The following NSL1 variants were observed in gnomAD, a reference collection of about 807,000 sequenced individuals.
NSL1 encodes the protein NSL1 component of MIS12 kinetochore complex, also known as kinetochore-associated protein NSL1 homolog.
Under a neutral mutation model 25.4 loss-of-function variants are expected in NSL1, and 11 were observed. The ratio of observed to expected loss-of-function variants is 0.43; its 90% CI spans 0.27 to 0.72. The LOEUF is 0.72. Among genes scored for constraint, NSL1 ranks in the 30% least tolerant of loss-of-function variants. The pLI is 0.19. For synonymous variants in NSL1, 118 were observed against 120.6 expected (o/e 0.98, Z 0.14); for missense variants, 330 against 342.7 (o/e 0.96, Z 0.29).
chr1:212,781,065 A>G (rs1660711966), intron 4 of NSL1, among the ~76,000 whole-genome samples: 1 of 152,230 alleles, frequency 6.6e-6, no homozygotes, highest in South Asian at 2.1e-4. Context: ...TAAGGAACTG[A>G]TGCTATTCTA....
At chr1:212,789,391 T>C (rs954051331) in intron 1 of NSL1, among the ~76,000 whole-genome samples, 1 of 152,170 alleles carries the variant, frequency 6.6e-6, no homozygotes, top group African/African-American at 2.4e-5. Flanking sequence ...TTTGTATTTT[T>C]AGTATAGACA....
At chr1:212,749,332 TTATTG>T (rs1382834433) in intron 4 of NSL1, among the ~76,000 whole-genome samples, 1 of 145,186 alleles carries the variant, frequency 6.9e-6, no homozygotes, top group African/African-American at 2.5e-5. Context: ...ATTTTGCGTT[TTATTG>T]TGTTTTTTTT....
At position 212,731,604 on chromosome 1, in the gene NSL1, T is replaced by C. The variant is rs1396180904; in HGVS notation, c.*6804A>G. ...CAAAAATTATCAGTCCCTGGCCCAG[T>C]TCCCCCACCTAAGTTCATCCACAGA... is the stretch of plus-strand genomic sequence containing the variant. On this transcript the variant is annotated 3_prime_UTR_variant, in exon 6 of 6. Transcript: ENST00000366977. The C allele has an allele frequency of 3.0e-6, 3 of 985,274 alleles. No homozygotes were observed. Among genetic ancestry groups the C allele is most frequent in the South Asian group, 4.7e-5 (1 of 21,294 alleles). 61.0% of individuals were successfully genotyped at this position (985,274 alleles called of 1,614,324 possible).
intron 4 of NSL1, among the ~76,000 whole-genome samples, chr1:212,762,306 CAAAA>C (rs71147025): frequency 6.1e-5 from 7 of 114,634 alleles, no homozygotes; most frequent in African/African-American, 1.7e-4. Flanking sequence ...TTAAAAGAAA[CAAAA>C]AAAAAAAAAA....
intron 4 of NSL1, among the ~76,000 whole-genome samples, chr1:212,777,886 G>T (rs1282464569): frequency 1.3e-5 from 2 of 152,270 alleles, no homozygotes; most frequent in Admixed American, 6.5e-5. Flanking sequence ...ATATTTCGAA[G>T]AATAAAATAA....
intron 4 of NSL1, among the ~76,000 whole-genome samples, chr1:212,755,233 T>C (rs1001681740): frequency 9.2e-5 from 14 of 151,612 alleles, no homozygotes; most frequent in Non-Finnish European, 1.5e-4. Flanking sequence ...TCATAAGACA[T>C]TGCAAAAGAA....
rs1657839107 is a variant in NSL1, at chr1:212,727,564, T to C, written c.*10844A>G. On this transcript the variant is annotated 3_prime_UTR_variant, in exon 6 of 6. Coordinates refer to ENST00000366977, the MANE Select transcript of NSL1 (RefSeq NM_015471.4). ...AATGAATTAGACGTGTGCCACATAC[T>C]TCTCTCAAAAACTTTATGACTCAGT... 5.1e-6 allele frequency: 5 copies of C among 985,298 alleles called. No homozygotes were observed. Among genetic ancestry groups the C allele is most frequent in the African/African-American group, 1.7e-5 (1 of 57,246 alleles). 61.0% of individuals were successfully genotyped at this position (985,298 alleles called of 1,614,324 possible).
chr1:212,783,148 G>C (rs946187096), intron 3 of NSL1, among the ~76,000 whole-genome samples: 1 of 146,728 alleles, frequency 6.8e-6, no homozygotes, highest in African/African-American at 2.7e-5. Flanking sequence ...GAGGAAAGAC[G>C]CAGGGCAGGG....
Position 212,737,033 on chromosome 1 carries a change from AT to A in NSL1, c.*1374del. On this transcript the variant is annotated 3_prime_UTR_variant, in exon 6 of 6. Coordinates refer to ENST00000366977, the MANE Select transcript of NSL1 (RefSeq NM_015471.4). ...ATTAGCACTGTAAAAACAGCAACAT[AT>A]TATACAGCCTCAAAACAGTTTTAAA... 1 of 985,344 alleles carries A rather than the reference AT, an allele frequency of 1.0e-6. No individual in the cohort carries two copies. Among genetic ancestry groups the A allele is most frequent in the Non-Finnish European group, 1.2e-6 (1 of 829,814 alleles). 61.0% of individuals were successfully genotyped at this position (985,344 alleles called of 1,614,324 possible).
intron 4 of NSL1, among the ~76,000 whole-genome samples, chr1:212,752,642 A>T (rs908211698): frequency 1.3e-5 from 2 of 152,202 alleles, no homozygotes; most frequent in African/African-American, 2.4e-5. Flanking sequence ...ACCACATCTT[A>T]TTGGTGGACA....
rs967154159 is a variant in NSL1 at position 212,760,556 on chromosome 1, C to A, written c.500-20955G>T. 6.6e-6 allele frequency among the ~76,000 whole-genome samples: 1 copy of A among 152,090 alleles called. No individual in the cohort carries two copies. Among genetic ancestry groups the A allele is most frequent in the African/African-American group, 2.4e-5 (1 of 41,416 alleles). ...CCTGACTAGCCTATCATCACCACCA[C>A]CATCACCGCCAGGACCCCCCTAAAT... On this transcript the variant is annotated intron_variant, in intron 4 of 5. Coordinates refer to ENST00000366977, the MANE Select transcript of NSL1 (RefSeq NM_015471.4). The surrounding 1 kb of genome is among the most constrained non-coding windows in gnomAD (Gnocchi z 4.3).
chr1:212,756,130 G>GT (rs1558048072), intron 4 of NSL1, among the ~76,000 whole-genome samples: 1 of 152,036 alleles, frequency 6.6e-6, no homozygotes, highest in African/African-American at 2.4e-5. Context: ...TCCTTGTTGG[G>GT]TTTTTTTGAG....
rs1485094171 is a variant in NSL1 at position 212,728,691 on chromosome 1, G to A, written c.*9717C>T. 5.1e-6 allele frequency: 5 copies of A among 985,332 alleles called. No homozygotes were observed. The highest frequency in any genetic ancestry group is 2.3e-4 in the East Asian group (2 of 8,820). The allele number at this position is 985,332 out of a possible 1,614,324, so 61.0% of individuals were successfully genotyped here. A position where few individuals can be genotyped will look rare whatever the true frequency, so the allele number is the denominator to read the frequency against. On this transcript the variant is annotated 3_prime_UTR_variant, in exon 6 of 6. Transcript: ENST00000366977. ...GCACATCACTTATACCATTTGGTGA[G>A]ATCTCTGGAGAATGGAACACCTTCA... is the stretch of plus-strand genomic sequence containing the variant.
chr1:212,784,425 G>A lies in NSL1; in HGVS notation c.382C>T (p.Gln128Ter), dbSNP rs746998825. The change falls in exon 3 of 6, where the codon CAG (glutamine) becomes TAG (stop). Residue 128 changes from glutamine to a stop codon, truncating the protein, a stop_gained. Transcript: ENST00000366977. LOFTEE classifies it high-confidence loss of function. ...CATTCCAGGATCTTTCTGGGATACT[G>A]CTTACGTTTTGTGGCTATATCTACT... The part of the protein sequence containing the change: ...IIVDIATKRK[Q>*]YPRKILECVI... The A allele has an allele frequency of 6.3e-7, 1 of 1,597,870 alleles. No homozygotes were observed. Among genetic ancestry groups the A allele is most frequent in the South Asian group, 1.1e-5 (1 of 89,226 alleles).
At chr1:212,753,039 G>C (rs972908048) in intron 4 of NSL1, among the ~76,000 whole-genome samples, 1 of 152,216 alleles carries the variant, frequency 6.6e-6, no homozygotes, top group Non-Finnish European at 1.5e-5. Context: ...GAATTAGAAA[G>C]CAGCATCCCT....
chr1:212,764,131 C>A, intron 4 of NSL1: 1 of 248,038 alleles, frequency 4.0e-6, no homozygotes, highest in Non-Finnish European at 8.2e-6. Flanking sequence ...AAGGAACTCT[C>A]AAAATTATAC....
At chr1:212,752,532 A>T (rs575218696) in intron 4 of NSL1, among the ~76,000 whole-genome samples, 14 of 147,236 alleles carry the variant, frequency 9.5e-5, no homozygotes, top group Non-Finnish European at 2.0e-4. Flanking sequence ...CAGGGAAAAA[A>T]GGGATCTTCA....
rs765448563 is a variant in NSL1, at chr1:212,736,606, A to C, written c.*1802T>G. The C allele has an allele frequency of 1.5e-5, 15 of 985,404 alleles. No homozygotes were observed. The highest frequency in any genetic ancestry group is 1.8e-5 in the Non-Finnish European group (15 of 829,882). 61.0% of individuals were successfully genotyped at this position (985,404 alleles called of 1,614,324 possible). A position where few individuals can be genotyped will look rare whatever the true frequency, so the allele number is the denominator to read the frequency against. The stretch of plus-strand genomic sequence containing the variant: ...TCTTTCCCAGTGGTATTTCTATTTT[A>C]AACTCTGCTATAACTATGGAGTAAA... On this transcript the variant is annotated 3_prime_UTR_variant, in exon 6 of 6. Coordinates refer to ENST00000366977, the MANE Select transcript of NSL1 (RefSeq NM_015471.4).
At chr1:212,785,172 C>G (rs1211514722) in intron 2 of NSL1, among the ~76,000 whole-genome samples, 2 of 152,094 alleles carry the variant, frequency 1.3e-5, no homozygotes, top group Non-Finnish European at 2.9e-5. Context: ...AGTGGAGTAA[C>G]TAGATCTGAA....
Sources: allele counts gnomAD v4.1 joint callset (sites outside exome capture counted in the v4.1 genomes callset), GRCh38; gene constraint gnomAD v4.1.1; non-coding constraint Gnocchi (gnomAD v3.1); transcripts MANE v1.5; gene names NCBI Gene and HGNC (gene_info 2026-07-23, HGNC 2026-07-21).